The following SUGCT variants were observed in gnomAD, a reference collection of about 807,000 sequenced individuals.
SUGCT encodes the protein succinyl-CoA:glutarate CoA-transferase.
SUGCT carries 41 observed loss-of-function variants against 55.0 expected under a neutral mutation model. The observed-to-expected ratio is 0.74, with a 90% confidence interval of 0.58 to 0.97. SUGCT has a LOEUF of 0.97. SUGCT is among the 50% of genes least tolerant of loss of function. The pLI is 0.00. For synonymous variants in SUGCT, 187 were observed against 200.4 expected (o/e 0.93, Z 0.56); for missense variants, 568 against 547.8 (o/e 1.04, Z -0.37).
intron 1 of SUGCT, among the ~76,000 whole-genome samples, chr7:40,141,470 T>TA (rs35142586): frequency 1.3e-5 from 2 of 151,758 alleles, no homozygotes; most frequent in Non-Finnish European, 2.9e-5. Context: ...CCGTCTCTAG[T>TA]AAAAATACAA....
chr7:40,323,988 C>T (rs1795879630), intron 9 of SUGCT, among the ~76,000 whole-genome samples: 1 of 152,032 alleles, frequency 6.6e-6, no homozygotes, highest in Non-Finnish European at 1.5e-5. Flanking sequence ...CATCTCTCCT[C>T]ATCCTTAAAG....
intron 9 of SUGCT, among the ~76,000 whole-genome samples, chr7:40,421,191 G>A (rs1364069276): frequency 6.6e-6 from 1 of 152,142 alleles, no homozygotes; most frequent in Non-Finnish European, 1.5e-5. Context: ...GAGACCGTTG[G>A]CACCCTTCAG....
At chr7:40,230,954 A>G (rs1399378541) in intron 6 of SUGCT, among the ~76,000 whole-genome samples, 1 of 152,250 alleles carries the variant, frequency 6.6e-6, no homozygotes, top group East Asian at 1.9e-4. Flanking sequence ...GAATTAAACA[A>G]ATAATTGACA....
intron 1 of SUGCT, among the ~76,000 whole-genome samples, chr7:40,172,224 G>T (rs1784711942): frequency 6.6e-6 from 1 of 152,204 alleles, no homozygotes; most frequent in South Asian, 2.1e-4. Context: ...CTTGGAGATT[G>T]TATTGCAGTG....
At chr7:40,905,133 G>T in the SUGCT span, among the ~76,000 whole-genome samples, 1 of 152,086 alleles carries the variant, frequency 6.6e-6, no homozygotes. Flanking sequence ...TGAGAACTTT[G>T]ATACATATCT....
chr7:40,613,510 C>T (rs916532776), intron 12 of SUGCT, among the ~76,000 whole-genome samples: 1 of 152,206 alleles, frequency 6.6e-6, no homozygotes, highest in African/African-American at 2.4e-5. Context: ...TAGTTTTCCT[C>T]ATCAGAATTC....
chr7:40,884,869 C>T, the SUGCT span, among the ~76,000 whole-genome samples: 3 of 152,144 alleles, frequency 2.0e-5, no homozygotes, highest in Non-Finnish European at 4.4e-5. Flanking sequence ...TTCTTCTCTG[C>T]CCCAAAGGGA....
At chr7:40,860,133 C>T (rs945755881) in intron 13 of SUGCT, among the ~76,000 whole-genome samples, 183 bp from the exon 14 acceptor site, 4 of 152,182 alleles carry the variant, frequency 2.6e-5, no homozygotes, top group African/African-American at 9.6e-5. Flanking sequence ...TTGGATGAAC[C>T]TGAGTCAAGA....
rs556854592 is a variant in SUGCT, at chr7:40,783,180, C to A, written c.1153+33683C>A. The stretch of plus-strand genomic sequence containing the variant: ...GACAAACTCTGGGTAGTCACAACAT[C>A]CAAAAGCTTGCCCTGTGGAGACCAA... On this transcript the variant is annotated intron_variant, in intron 13 of 13. Coordinates refer to ENST00000335693, the MANE Select transcript of SUGCT (RefSeq NM_001193313.2). Among the ~76,000 whole-genome samples the A allele has an allele frequency of 3.9e-5, 6 of 152,272 alleles. No individual in the cohort carries two copies. The East Asian group carries it at 9.7e-4, about 25-fold the overall frequency.
chr7:40,250,865 C>A (rs1368628257), intron 7 of SUGCT, among the ~76,000 whole-genome samples: 1 of 131,330 alleles, frequency 7.6e-6, no homozygotes, highest in African/African-American at 3.2e-5. Flanking sequence ...AAGACGGGGT[C>A]TCACCCTTTT....
chr7:40,806,881 G>A (rs540273423), intron 13 of SUGCT, among the ~76,000 whole-genome samples: 2 of 152,292 alleles, frequency 1.3e-5, no homozygotes, highest in Admixed American at 1.3e-4. Context: ...AGAGGATGCA[G>A]CATGGTCTCC....
At chr7:40,144,822 A>G (rs777280315) in intron 1 of SUGCT, among the ~76,000 whole-genome samples, 2 of 152,194 alleles carry the variant, frequency 1.3e-5, no homozygotes, top group Non-Finnish European at 2.9e-5. Context: ...ATACCATTTT[A>G]TATTTGACAA....
the SUGCT span, among the ~76,000 whole-genome samples, chr7:40,955,228 C>T: frequency 6.6e-6 from 1 of 152,174 alleles, no homozygotes; most frequent in Non-Finnish European, 1.5e-5. Flanking sequence ...TTACTTTAAG[C>T]AGTATGGCCA....
chr7:40,813,559 T>G (rs184056574), intron 13 of SUGCT, among the ~76,000 whole-genome samples: 15 of 152,318 alleles, frequency 9.8e-5, no homozygotes, highest in Admixed American at 5.9e-4. Flanking sequence ...TGCCTTCTTT[T>G]GTGTGGTGGA....
In SUGCT at chr7:40,199,419, T is replaced by G. The variant is rs1407119888; in HGVS notation, c.484+4359T>G. Among the ~76,000 whole-genome samples the G allele has an allele frequency of 2.0e-5, 3 of 152,218 alleles. No individual in the cohort carries two copies. In the East Asian group the frequency reaches 5.8e-4, roughly 29 times the overall value. The stretch of plus-strand genomic sequence containing the variant: ...TTAGGGGGCAGTGTTTAAACAGCTA[T>G]TATTCACTAGGAATTATTTTTGTGA... On this transcript the variant is annotated intron_variant, in intron 6 of 13. Transcript: ENST00000335693.
At chr7:40,831,064 G>C (rs570022874) in intron 13 of SUGCT, among the ~76,000 whole-genome samples, 1 of 152,162 alleles carries the variant, frequency 6.6e-6, no homozygotes, top group Non-Finnish European at 1.5e-5. Flanking sequence ...AAGAGGTTAA[G>C]TATTTAGCTT....
At chr7:40,877,921 T>C in the SUGCT span, among the ~76,000 whole-genome samples, 1 of 152,250 alleles carries the variant, frequency 6.6e-6, no homozygotes, top group East Asian at 1.9e-4. Context: ...TCTAGAGTTC[T>C]ACTGTTCTGT....
At chr7:40,642,012 T>C (rs1428306760) in intron 12 of SUGCT, among the ~76,000 whole-genome samples, 1 of 152,188 alleles carries the variant, frequency 6.6e-6, no homozygotes, top group Non-Finnish European at 1.5e-5. Context: ...TGTAGTGCGA[T>C]GATGATAAAC....
intron 7 of SUGCT, among the ~76,000 whole-genome samples, chr7:40,258,560 G>A (rs369807741): frequency 1.3e-4 from 20 of 152,256 alleles, no homozygotes; most frequent in East Asian, 3.9e-4. Context: ...TGTGGTTTTA[G>A]TAGAGACAGA....
Sources: gnomAD v4.1 joint callset for allele counts (sites outside exome capture counted in the v4.1 genomes callset) on GRCh38, gnomAD v4.1.1 for gene constraint, MANE v1.5 for transcripts, NCBI Gene and HGNC (gene_info 2026-07-23, HGNC 2026-07-21) for gene names.